RBPJ: variants seen among roughly 807,000 people sequenced by gnomAD.
The protein encoded by RBPJ is recombining binding protein suppressor of hairless.
Under a neutral mutation model 67.8 loss-of-function variants are expected in RBPJ, and 9 were observed. The observed-to-expected ratio is 0.13, with a 90% confidence interval of 0.08 to 0.23. The LOEUF is 0.23. Ranked by LOEUF, RBPJ falls within the 10% of genes least tolerant of loss-of-function variation. The pLI is 1.00. For synonymous variants in RBPJ, 198 were observed against 203.3 expected (o/e 0.97, Z 0.22); for missense variants, 305 against 595.6 (o/e 0.51, Z 5.08).
intron 1 of RBPJ, among the ~76,000 whole-genome samples, chr4:26,354,849 T>C (rs1469078187): frequency 1.3e-5 from 2 of 152,226 alleles, no homozygotes; most frequent in African/African-American, 4.8e-5. Context: ...ACAGGCTTTT[T>C]TCCTTTGGGT....
At chr4:26,307,207 T>A (rs1280971127) in intron 1 of RBPJ, among the ~76,000 whole-genome samples, 1 of 152,204 alleles carries the variant, frequency 6.6e-6, no homozygotes, top group Non-Finnish European at 1.5e-5. Flanking sequence ...CTGAGATGAT[T>A]GATGTCTGTG....
chr4:26,255,405 A>G (rs1452096332), intron 1 of RBPJ, among the ~76,000 whole-genome samples: 1 of 142,874 alleles, frequency 7.0e-6, no homozygotes, highest in Non-Finnish European at 1.5e-5. Flanking sequence ...CTCCGTCTCA[A>G]AAAAAAAAAA....
chr4:26,313,984 T>C (rs1415039432), intron 1 of RBPJ, among the ~76,000 whole-genome samples: 1 of 152,194 alleles, frequency 6.6e-6, no homozygotes, highest in Admixed American at 6.6e-5. Flanking sequence ...ATATACATAG[T>C]ACAAAATTCA....
intron 1 of RBPJ, among the ~76,000 whole-genome samples, chr4:26,352,904 C>A (rs537459446): frequency 1.3e-5 from 2 of 152,290 alleles, no homozygotes; most frequent in East Asian, 3.9e-4. Flanking sequence ...CAGCATGTAG[C>A]CTTCATCATT....
At chr4:26,419,486 G>A (rs1734913308) in intron 4 of RBPJ, among the ~76,000 whole-genome samples, 1 of 152,124 alleles carries the variant, frequency 6.6e-6, no homozygotes, top group South Asian at 2.1e-4. Flanking sequence ...GGCTGTCTGT[G>A]AATAAAATTT....
chr4:26,206,471 C>T (rs1361889708), intron 1 of RBPJ, among the ~76,000 whole-genome samples: 3 of 152,122 alleles, frequency 2.0e-5, no homozygotes, highest in Admixed American at 6.6e-5. Flanking sequence ...AGGCCAGGCT[C>T]TAGGTTAACT....
chr4:26,152,790 G>A, the RBPJ span, among the ~76,000 whole-genome samples: 2 of 152,222 alleles, frequency 1.3e-5, no homozygotes, highest in Non-Finnish European at 2.9e-5. Flanking sequence ...AGAGTGGAAT[G>A]AATTTGCCAA....
the RBPJ span, among the ~76,000 whole-genome samples, chr4:26,146,124 T>G: frequency 6.6e-6 from 1 of 152,094 alleles, no homozygotes; most frequent in South Asian, 2.1e-4. Flanking sequence ...TAAAAACATT[T>G]TTTGTAGAGG....
At chr4:26,298,952 T>G (rs746880600) in intron 1 of RBPJ, among the ~76,000 whole-genome samples, 10 of 152,186 alleles carry the variant, frequency 6.6e-5, no homozygotes, top group Non-Finnish European at 1.2e-4. Context: ...ATTTAAAATT[T>G]ACGCTTCAAA....
At chr4:26,192,148 A>G (rs1445939123) in intron 1 of RBPJ, among the ~76,000 whole-genome samples, 4 of 151,980 alleles carry the variant, frequency 2.6e-5, no homozygotes, top group Admixed American at 2.6e-4. Context: ...AGCTGGAACT[A>G]CAGGCTGCGC....
At chr4:26,320,119 C>T (rs1722864002), upstream of RBPJ, among the ~76,000 whole-genome samples, 1 of 152,196 alleles carries the variant, frequency 6.6e-6, no homozygotes, top group Admixed American at 6.5e-5. Context: ...TTAGAGAGGC[C>T]ATGCAGCACG....
chr4:26,323,960 A>G (rs568635340), intron 1 of RBPJ, among the ~76,000 whole-genome samples: 5 of 152,322 alleles, frequency 3.3e-5, no homozygotes, highest in African/African-American at 1.2e-4. Flanking sequence ...TGTTATCTCA[A>G]CTAGGGGCAG....
chr4:26,153,314 T>G, the RBPJ span, among the ~76,000 whole-genome samples: 1 of 152,212 alleles, frequency 6.6e-6, no homozygotes, highest in Non-Finnish European at 1.5e-5. Flanking sequence ...GACAAACCGT[T>G]AATGCAGTGA....
At chr4:26,109,579 C>CTCTCTCTCTCTATA in the RBPJ span, among the ~76,000 whole-genome samples, 2 of 29,392 alleles carry the variant, frequency 6.8e-5, 1 homozygote, top group African/African-American at 4.2e-4. Context: ...CTCTCTCTCT[C>CTCTCTCTCTCTATA]TATATATATA....
chr4:26,335,082 T>C (rs1724668318), intron 1 of RBPJ, among the ~76,000 whole-genome samples: 1 of 152,220 alleles, frequency 6.6e-6, no homozygotes, highest in African/African-American at 2.4e-5. Context: ...AGACTTGATA[T>C]CTGTTATAGT....
At chr4:26,130,404 A>G in the RBPJ span, among the ~76,000 whole-genome samples, 5 of 151,646 alleles carry the variant, frequency 3.3e-5, no homozygotes, top group African/African-American at 1.2e-4. Context: ...TCTTACTTGA[A>G]CTCCAAATTT....
intron 1 of RBPJ, among the ~76,000 whole-genome samples, chr4:26,349,093 C>CGCGCGCGCGCGTGT (rs113326244): frequency 1.3e-5 from 2 of 150,738 alleles, no homozygotes; most frequent in East Asian, 2.0e-4. Flanking sequence ...TGTGTGCGCG[C>CGCGCGCGCGCGTGT]GCGCACGCAC....
intron 1 of RBPJ, among the ~76,000 whole-genome samples, chr4:26,272,175 G>A (rs1720937276): frequency 6.6e-6 from 1 of 152,080 alleles, no homozygotes; most frequent in African/African-American, 2.4e-5. Flanking sequence ...CAAAGGTCTA[G>A]ATAAAACCTA....
At chr4:26,420,479 C>T in intron 4 of RBPJ, 72 bp from the exon 5 acceptor site, 4 of 994,612 alleles carry the variant, frequency 4.0e-6, no homozygotes, top group Non-Finnish European at 5.6e-6. Context: ...AAACCATGGC[C>T]ATTCTGAGTT....
Sources: allele counts gnomAD v4.1 joint callset (sites outside exome capture counted in the v4.1 genomes callset), GRCh38; gene constraint gnomAD v4.1.1; transcripts MANE v1.5; gene names NCBI Gene and HGNC (gene_info 2026-07-23, HGNC 2026-07-21).